The following MRGPRX3 variants were observed in gnomAD, a reference collection of about 807,000 sequenced individuals.
MRGPRX3 encodes MAS related GPR family member X3.
Under a neutral mutation model 16.5 loss-of-function variants are expected in MRGPRX3, and 14 were observed. That is an observed-to-expected ratio of 0.85 (90% confidence interval 0.56 to 1.33). The LOEUF is 1.33. Among genes scored for constraint, MRGPRX3 ranks in the 40% most tolerant of loss-of-function variants. The pLI, the probability that MRGPRX3 is intolerant of heterozygous loss-of-function variation, is 0.00. For missense variants in MRGPRX3, 449 were observed against 413.0 expected (o/e 1.09, Z -0.76); for synonymous variants, 199 against 180.1 (o/e 1.10, Z -0.84).
intron 1 of MRGPRX3, among the ~76,000 whole-genome samples, chr11:18,125,769 T>C (rs1848888525): frequency 6.6e-6 from 1 of 152,188 alleles, no homozygotes; most frequent in African/African-American, 2.4e-5. Context: ...TGTTGATCTA[T>C]CTAATATTGA....
upstream of MRGPRX3, among the ~76,000 whole-genome samples, chr11:18,129,722 A>G (rs1280214219): frequency 6.6e-6 from 1 of 152,208 alleles, no homozygotes. Context: ...AGGAAAGGAT[A>G]TACAAAAAAG....
Position 18,138,032 on chromosome 11 carries a change from C to T in MRGPRX3, c.830C>T (p.Ser277Phe), listed in dbSNP as rs764962667. 29 of 1,614,022 alleles carry T rather than the reference C, an allele frequency of 1.8e-5. 1 individual carries two copies. The Middle Eastern group carries it at 6.6e-4, about 37-fold the overall frequency. Residue 277 changes from serine to phenylalanine, a missense_variant, in exon 2 of 2, where the codon TCC becomes TTC. Ser to Phe is a radical substitution (Grantham distance 155, BLOSUM62 -2). Coordinates refer to ENST00000621697, the MANE Select transcript of MRGPRX3 (RefSeq NM_001370464.1). Reference protein sequence around the residue: ...ANPIIYFFVGSFRQRQNRQNL... With the variant: ...ANPIIYFFVGFFRQRQNRQNL... ...CCCATCATTTACTTCTTCGTGGGCT[C>T]CTTTAGGCAGCGTCAAAATAGGCAG...
upstream of MRGPRX3, among the ~76,000 whole-genome samples, chr11:18,127,724 C>G (rs1009288882): frequency 6.6e-6 from 1 of 152,176 alleles, no homozygotes; most frequent in South Asian, 2.1e-4. Flanking sequence ...GAACTTCTTC[C>G]TTTAGCTCGG....
chr11:18,131,160 C>A (rs1848957115), upstream of MRGPRX3, among the ~76,000 whole-genome samples: 1 of 151,908 alleles, frequency 6.6e-6, no homozygotes, highest in Non-Finnish European at 1.5e-5. Flanking sequence ...AAAGTAAATG[C>A]AACAAAAACA....
intron 1 of MRGPRX3, among the ~76,000 whole-genome samples, chr11:18,125,029 G>A (rs1213237911): frequency 6.6e-6 from 1 of 152,110 alleles, no homozygotes; most frequent in African/African-American, 2.4e-5. Context: ...GGGATCGATG[G>A]TGATATTCCC....
chr11:18,124,406 G>A (rs1229578614), intron 1 of MRGPRX3, among the ~76,000 whole-genome samples: 3 of 152,142 alleles, frequency 2.0e-5, no homozygotes, highest in Non-Finnish European at 4.4e-5. Context: ...GAAGGTTGTT[G>A]AATTTTGTCA....
Position 18,138,054 on chromosome 11 carries a change from G to A in MRGPRX3, c.852G>A (p.Arg284=). ...FVGSFRQRQN[R]QNLKLVLQRA... is the part of the protein sequence containing the mutation. ...GCTCCTTTAGGCAGCGTCAAAATAG[G>A]CAGAACCTGAAGCTGGTTCTCCAGA... The change falls in exon 2 of 2, where the codon AGG becomes AGA. Residue 284 remains arginine, a synonymous_variant. Transcript: ENST00000621697. The A allele has an allele frequency of 6.2e-7, 1 of 1,614,112 alleles. No homozygotes were observed. The highest frequency in any genetic ancestry group is 8.5e-7 in the Non-Finnish European group (1 of 1,180,012).
At chr11:18,129,425 C>G (rs900612565), upstream of MRGPRX3, among the ~76,000 whole-genome samples, 1 of 152,112 alleles carries the variant, frequency 6.6e-6, no homozygotes, top group Non-Finnish European at 1.5e-5. Flanking sequence ...ATGCACAAAC[C>G]AGAAAACCTG....
intron 1 of MRGPRX3, among the ~76,000 whole-genome samples, chr11:18,134,875 A>G (rs1220998400): frequency 6.6e-6 from 1 of 152,212 alleles, no homozygotes; most frequent in Non-Finnish European, 1.5e-5. Flanking sequence ...TCCAGCATCA[A>G]GGAAAACTGG....
At chr11:18,123,929 T>C (rs1049421342) in intron 1 of MRGPRX3, among the ~76,000 whole-genome samples, 2 of 152,192 alleles carry the variant, frequency 1.3e-5, no homozygotes, top group South Asian at 4.1e-4. Context: ...GATTCCTAGG[T>C]TCTTTATTCT....
At chr11:18,123,702 T>A (rs1339858384) in intron 1 of MRGPRX3, among the ~76,000 whole-genome samples, 2 of 152,220 alleles carry the variant, frequency 1.3e-5, no homozygotes. Context: ...AATTTTAAAG[T>A]AGTTTTTTCC....
At chr11:18,132,416 C>T (rs1034677910), upstream of MRGPRX3, 3 of 152,146 alleles carry the variant, frequency 2.0e-5, no homozygotes, top group Non-Finnish European at 1.5e-5. Flanking sequence ...CAATTACTTA[C>T]AGGAAGTTGA....
chr11:18,127,166 G>T (rs1357118417), intron 1 of MRGPRX3, among the ~76,000 whole-genome samples: 1 of 152,180 alleles, frequency 6.6e-6, no homozygotes, highest in Non-Finnish European at 1.5e-5. Context: ...GCTTCCCTTT[G>T]TGGGTAACCT....
rs567198872 is a variant in MRGPRX3 at position 18,126,712 on chromosome 11, A to G, written c.-152+5548A>G. 2.3e-3 allele frequency among the ~76,000 whole-genome samples: 353 copies of G among 151,984 alleles called. 2 individuals are homozygous for G. Among genetic ancestry groups the G allele is most frequent in the African/African-American group, 8.4e-3 (346 of 41,420 alleles). On this transcript the variant is annotated intron_variant, in intron 1 of 2. Transcript: ENST00000396275. ...TGTGTCCATGTGTTCTCATTGTTCA[A>G]TTCCCACCTATGAGTGAGAATATGC...
At chr11:18,136,693 A>C (rs937254996) in intron 1 of MRGPRX3, among the ~76,000 whole-genome samples, 1 of 152,218 alleles carries the variant, frequency 6.6e-6, no homozygotes, top group Non-Finnish European at 1.5e-5. Context: ...TGACTGACAC[A>C]CTGAGTTATT....
intron 1 of MRGPRX3, among the ~76,000 whole-genome samples, chr11:18,125,630 G>A (rs1348587007): frequency 6.6e-6 from 1 of 152,116 alleles, no homozygotes; most frequent in Non-Finnish European, 1.5e-5. Flanking sequence ...TTTTAGAATA[G>A]GTGTGATGTG....
chr11:18,131,575 A>C (rs932312472), upstream of MRGPRX3, among the ~76,000 whole-genome samples: 5 of 152,198 alleles, frequency 3.3e-5, no homozygotes, highest in African/African-American at 1.2e-4. Flanking sequence ...ACACTTTTAC[A>C]CTGCTGGTGG....
upstream of MRGPRX3, among the ~76,000 whole-genome samples, chr11:18,131,663 T>C (rs1210391515): frequency 1.3e-5 from 2 of 152,026 alleles, no homozygotes; most frequent in Non-Finnish European, 2.9e-5. Flanking sequence ...GACCATTTGA[T>C]CCAGCAATCC....
rs371432265 is a variant in MRGPRX3, at chr11:18,138,470, G to C, written c.*299G>C. 742 of 321,248 alleles carry C rather than the reference G, an allele frequency of 2.3e-3. 2 individuals carry two copies. The highest frequency in any genetic ancestry group is 0.013 in the African/African-American group (622 of 46,770). The allele number at this position is 321,248 out of a possible 1,614,324, so 19.9% of individuals were successfully genotyped here. A position where few individuals can be genotyped will look rare whatever the true frequency, so the allele number is the denominator to read the frequency against. ...ACTTTTCATTGTAATAAAAGGAGTTGCTGTCCACAACCCTAAAACTCTTCT... is the reference window on the plus strand; with the variant it reads ...ACTTTTCATTGTAATAAAAGGAGTTCCTGTCCACAACCCTAAAACTCTTCT... On this transcript the variant is annotated 3_prime_UTR_variant, in exon 2 of 2. Transcript: ENST00000621697.
Sources: allele counts gnomAD v4.1 joint callset (sites outside exome capture counted in the v4.1 genomes callset), GRCh38; gene constraint gnomAD v4.1.1; transcripts MANE v1.5; gene names NCBI Gene and HGNC (gene_info 2026-07-23, HGNC 2026-07-21).